SMIM10L3: variants seen among roughly 807,000 people sequenced by gnomAD.
SMIM10L3 encodes the protein small integral membrane protein 10 like 3, also known as salivary gland specific protein SAGSIN1.
the SMIM10L3 span, among the ~76,000 whole-genome samples, chr7:6,346,662 G>A: frequency 6.6e-6 from 1 of 152,158 alleles, no homozygotes; most frequent in African/African-American, 2.4e-5. Context: ...ATTACTTACA[G>A]GAGTGAGCTA....
chr7:6,333,112 C>T, the SMIM10L3 span, among the ~76,000 whole-genome samples: 1 of 148,886 alleles, frequency 6.7e-6, no homozygotes, highest in South Asian at 2.1e-4. Context: ...AGCCGAGATC[C>T]CACCACTGCA....
chr7:6,329,729 T>C, the SMIM10L3 span: 1 of 166,360 alleles, frequency 6.0e-6, no homozygotes, highest in African/African-American at 2.4e-5. Context: ...CTGAGCTACT[T>C]TTTTCTCGAG....
chr7:6,331,630 T>C, the SMIM10L3 span, among the ~76,000 whole-genome samples: 6 of 152,152 alleles, frequency 3.9e-5, no homozygotes, highest in African/African-American at 9.7e-5. Flanking sequence ...TCCACTCGCC[T>C]TGGCCTCCCA....
the SMIM10L3 span, among the ~76,000 whole-genome samples, chr7:6,333,204 G>A: frequency 3.3e-4 from 50 of 151,872 alleles, no homozygotes; most frequent in South Asian, 8.4e-4. Flanking sequence ...AAACACTGGG[G>A]AGAAAATGAA....
chr7:6,330,632 A>C, the SMIM10L3 span: 10 of 1,614,168 alleles, frequency 6.2e-6, no homozygotes, highest in Non-Finnish European at 8.5e-6. Flanking sequence ...CCCTTGGGAA[A>C]AGCACTTGGT....
the SMIM10L3 span, among the ~76,000 whole-genome samples, chr7:6,347,245 T>G: frequency 6.6e-6 from 1 of 152,222 alleles, no homozygotes; most frequent in African/African-American, 2.4e-5. Flanking sequence ...CTGGGCGCTG[T>G]GGCTGACGCC....
At chr7:6,337,960 C>T in the SMIM10L3 span, among the ~76,000 whole-genome samples, 5 of 151,610 alleles carry the variant, frequency 3.3e-5, 1 homozygote, top group Admixed American at 2.0e-4. Context: ...CCAGCTGCCA[C>T]GCCCAGCTAA....
At chr7:6,338,629 TCAC>T in the SMIM10L3 span, 2 of 152,198 alleles carry the variant, frequency 1.3e-5, no homozygotes, top group Non-Finnish European at 2.9e-5. Flanking sequence ...TACCCGATCC[TCAC>T]CACAACAGGA....
the SMIM10L3 span, among the ~76,000 whole-genome samples, chr7:6,333,515 T>C: frequency 0.035 from 5,293 of 152,240 alleles, 324 homozygotes; most frequent in African/African-American, 0.12. Flanking sequence ...GTTGCTGTTT[T>C]TGAGACGAGG....
the SMIM10L3 span, among the ~76,000 whole-genome samples, chr7:6,333,376 T>C: frequency 2.6e-5 from 4 of 152,062 alleles, no homozygotes; most frequent in African/African-American, 7.2e-5. Context: ...CTGGCTACAC[T>C]GTGATGGACA....
At chr7:6,336,274 G>A in the SMIM10L3 span, among the ~76,000 whole-genome samples, 2 of 152,014 alleles carry the variant, frequency 1.3e-5, no homozygotes, top group South Asian at 4.1e-4. Context: ...CTTGAGCCTA[G>A]AAGCTCAAGG....
the SMIM10L3 span, among the ~76,000 whole-genome samples, chr7:6,341,358 G>C: frequency 6.7e-6 from 1 of 149,898 alleles, no homozygotes; most frequent in Admixed American, 6.7e-5. Context: ...CAGGAGAATG[G>C]TGTGAACCGG....
the SMIM10L3 span, chr7:6,348,596 T>C: frequency 4.4e-6 from 2 of 451,766 alleles, no homozygotes; most frequent in Non-Finnish European, 3.9e-6. Context: ...TTGAGCATCA[T>C]GGAAGCCACG....
chr7:6,334,826 T>C, the SMIM10L3 span, among the ~76,000 whole-genome samples: 1 of 150,812 alleles, frequency 6.6e-6, no homozygotes, highest in African/African-American at 2.4e-5. Flanking sequence ...TGGAGTACAA[T>C]GGCACGATCT....
At chr7:6,343,051 A>T in the SMIM10L3 span, among the ~76,000 whole-genome samples, 1 of 145,790 alleles carries the variant, frequency 6.9e-6, no homozygotes. Flanking sequence ...AAAAAAAAGA[A>T]AAAAGAAAGA....
chr7:6,338,001 A>C, the SMIM10L3 span, among the ~76,000 whole-genome samples: 2 of 151,800 alleles, frequency 1.3e-5, no homozygotes, highest in African/African-American at 4.9e-5. Context: ...ACATGGTTTC[A>C]CCATGTTGGC....
chr7:6,333,399 T>C, the SMIM10L3 span, among the ~76,000 whole-genome samples: 7 of 152,070 alleles, frequency 4.6e-5, no homozygotes, highest in African/African-American at 7.2e-5. Context: ...CTGCAAATGG[T>C]TCAGAATAGA....
At chr7:6,334,047 CAT>C in the SMIM10L3 span, among the ~76,000 whole-genome samples, 64 of 150,964 alleles carry the variant, frequency 4.2e-4, no homozygotes, top group South Asian at 2.3e-3. Flanking sequence ...GGGGTTTCAC[CAT>C]GTTAGCCAGG....
the SMIM10L3 span, among the ~76,000 whole-genome samples, chr7:6,337,377 C>T: frequency 1.3e-5 from 2 of 152,208 alleles, no homozygotes; most frequent in Admixed American, 6.5e-5. Context: ...CCGCCTCAGC[C>T]TCCCAAAGTG....
Sources: gnomAD v4.1 joint callset for allele counts (sites outside exome capture counted in the v4.1 genomes callset) on GRCh38, gnomAD v4.1.1 for gene constraint, MANE v1.5 for transcripts, NCBI Gene and HGNC (gene_info 2026-07-23, HGNC 2026-07-21) for gene names.